Variants in MAP1A observed in about 807,000 individuals in gnomAD.
MAP1A encodes microtubule-associated protein 1A.
In MAP1A, 42 loss-of-function variants were observed where a neutral mutation model predicts 185.9. The observed-to-expected ratio is 0.23, with a 90% CI of 0.18 to 0.29. MAP1A has a LOEUF of 0.29. Ranked by LOEUF, MAP1A falls within the 10% of genes least tolerant of loss-of-function variation. The pLI is 1.00. For synonymous variants in MAP1A, 1,229 were observed against 1,335.9 expected, an observed-to-expected ratio of 0.92 and a Z score of 1.74; for missense variants, 2,995 against 3,450.4, an observed-to-expected ratio of 0.87 and a Z score of 3.31.
Position 43,522,331 on chromosome 15 carries a change from G to A in MAP1A, c.858G>A (p.Leu286=), listed in dbSNP as rs776603796. ...ILEGLEKLRH[L]DFLRYPVATQ... ...AGGGCCTAGAAAAGCTTCGGCATCT[G>A]GACTTCCTGCGTTACCCTGTGGCCA... The change falls in exon 4 of 6, where the codon CTG becomes CTA. Residue 286 remains leucine, a synonymous_variant. Coordinates refer to ENST00000300231, the MANE Select transcript of MAP1A (RefSeq NM_002373.6). The surrounding 1 kb of genome is among the most constrained non-coding windows in gnomAD (Gnocchi z 5.9). 3.7e-6 allele frequency: 6 copies of A among 1,614,030 alleles called. No homozygotes were observed. The highest frequency in any genetic ancestry group is 4.2e-6 in the Non-Finnish European group (5 of 1,180,034).
chr15:43,514,081 C>T (rs897290088), upstream of MAP1A, among the ~76,000 whole-genome samples: 34 of 152,320 alleles, frequency 2.2e-4, no homozygotes, highest in African/African-American at 7.7e-4. Flanking sequence ...ACAGAGAGAA[C>T]ATAGTTATTC....
At position 43,528,244 on chromosome 15, in the gene MAP1A, G is replaced by A; in HGVS notation, c.6771G>A (p.Glu2257=). 6.2e-7 allele frequency: 1 copy of A among 1,614,014 alleles called. No individual in the cohort carries two copies. The highest frequency in any genetic ancestry group is 1.3e-5 in the African/African-American group (1 of 75,038). Residue 2257 remains glutamate, a synonymous_variant, in exon 4 of 6, where the codon GAG becomes GAA. Coordinates refer to ENST00000300231, the MANE Select transcript of MAP1A (RefSeq NM_002373.6). ...LPRPASPALS[E]GSSSEATTPV... is the part of the protein sequence containing the mutation. ...GACCTGCCTCACCAGCCCTGTCTGA[G>A]GGCTCCTCCTCTGAGGCTACCACGC...
In MAP1A at chr15:43,527,754, A is replaced by G; in HGVS notation, c.6281A>G (p.Lys2094Arg). Reference protein sequence around the residue: ...CSPDRRSPSPKESGRSHWDDS... With the variant: ...CSPDRRSPSPRESGRSHWDDS... The stretch of plus-strand genomic sequence containing the variant: ...CCAGATAGGAGGTCCCCATCCCCCA[A>G]GGAATCAGGCCGGAGTCACTGGGAT... Residue 2094 changes from lysine to arginine, a missense_variant, in exon 4 of 6, where the codon AAG becomes AGG. By Grantham distance (26) the Lys-to-Arg change is conservative (BLOSUM62 2). Around this residue, in one of 3 missense-constraint regions of MAP1A, gnomAD observed 2,728 missense variants for 2,986.0 expected, o/e 0.91. Transcript: ENST00000300231. The G allele has an allele frequency of 6.2e-7, 1 of 1,613,520 alleles. No individual in the cohort carries two copies. Among genetic ancestry groups the G allele is most frequent in the Non-Finnish European group, 8.5e-7 (1 of 1,179,806 alleles).
chr15:43,513,676 A>T (rs139677269), upstream of MAP1A, among the ~76,000 whole-genome samples: 4 of 152,364 alleles, frequency 2.6e-5, no homozygotes, highest in African/African-American at 9.6e-5. Context: ...ATATTAATAT[A>T]TGTGAGGCTG....
At chr15:43,519,070 C>T (rs1364805645) in intron 1 of MAP1A, among the ~76,000 whole-genome samples, 1 of 152,082 alleles carries the variant, frequency 6.6e-6, no homozygotes, top group African/African-American at 2.4e-5. Context: ...GACCCTCCTA[C>T]CTCAAATTTA....
chr15:43,524,999 C>G lies in MAP1A; in HGVS notation c.3526C>G (p.Leu1176Val). The G allele has an allele frequency of 6.2e-7, 1 of 1,614,146 alleles. No individual in the cohort carries two copies. Residue 1176 changes from leucine (L) to valine (V), a missense_variant, in exon 4 of 6, where the codon CTG (leucine) becomes GTG (valine). Transcript: ENST00000300231. ...GCCTACCCCCAAGTCTCCCTGTGGC[C>G]TGACAGAACAGTACCTACACAAAGA... is the stretch of plus-strand genomic sequence containing the variant. ...QEPTPKSPCG[L>V]TEQYLHKDRW...
At position 43,522,766 on chromosome 15, in the gene MAP1A, G is replaced by A. The variant is rs2079324584; in HGVS notation, c.1293G>A (p.Lys431=). The A allele has an allele frequency of 1.3e-6, 2 of 1,569,016 alleles. No homozygotes were observed. Among genetic ancestry groups the A allele is most frequent in the African/African-American group, 1.4e-5 (1 of 73,930 alleles). Reference sequence around the variant, plus strand: ...TCAAAAAGGAGAGGAAAGAGCTCAAGAAGGATGAAGGAAGGAAGGAGGAGA... The same window carrying A: ...TCAAAAAGGAGAGGAAAGAGCTCAAAAAGGATGAAGGAAGGAAGGAGGAGA... ...KEIKKERKEL[K]KDEGRKEEKK... The change falls in exon 4 of 6, where the codon AAG becomes AAA. Residue 431 remains lysine, a synonymous_variant. Coordinates refer to ENST00000300231, the MANE Select transcript of MAP1A (RefSeq NM_002373.6). The surrounding 1 kb of genome is among the most constrained non-coding windows in gnomAD (Gnocchi z 5.9).
Position 43,521,266 on chromosome 15 carries a change from AAGTC to A in MAP1A, c.-150-55_-150-52del. The stretch of plus-strand genomic sequence containing the variant: ...AGGTGAAGATTAGGGTACTGAATCT[AAGTC>A]AGACCAAAACAACTCTAGTGACCTG... On this transcript the variant is annotated intron_variant, in intron 3 of 5. Transcript: ENST00000300231. This position sits in a 1 kb window ranked among gnomAD's most constrained non-coding sequence, Gnocchi z 4.6. 1 of 1,504,322 alleles carries A rather than the reference AAGTC, an allele frequency of 6.6e-7. No homozygotes were observed. Among genetic ancestry groups the A allele is most frequent in the Non-Finnish European group, 8.9e-7 (1 of 1,129,818 alleles). 93.2% of individuals were successfully genotyped at this position (1,504,322 alleles called of 1,614,324 possible). A position where few individuals can be genotyped will look rare whatever the true frequency, so the allele number is the denominator to read the frequency against.
chr15:43,511,143 T>A (rs913523594), exon 1 of MAP1A: 1 of 1,550,482 alleles, frequency 6.4e-7, no homozygotes, highest in African/African-American at 1.4e-5. Flanking sequence ...CGCTGGGACC[T>A]GCAGAAGCAC....
chr15:43,514,880 A>G (rs1595644239), upstream of MAP1A, among the ~76,000 whole-genome samples: 1 of 152,222 alleles, frequency 6.6e-6, no homozygotes, highest in South Asian at 2.1e-4. Flanking sequence ...CCTATAGGAA[A>G]TAGAAGGGGG....
At chr15:43,520,539 C>T (rs1460473249) in intron 1 of MAP1A, 102 bp from the exon 2 acceptor site, 21 of 796,248 alleles carry the variant, frequency 2.6e-5, no homozygotes, top group South Asian at 2.2e-4. Flanking sequence ...AGGATACCTT[C>T]TCTTTCGTCT....
chr15:43,523,730 G>C lies in MAP1A; in HGVS notation c.2257G>C (p.Glu753Gln). Reference protein sequence around the residue: ...YSETEQTISDEEIHDEPEERP... With the variant: ...YSETEQTISDQEIHDEPEERP... ...AGAGACTGAGCAGACCATCTCAGAT[G>C]AGGAGATCCATGATGAGCCGGAGGA... is the stretch of plus-strand genomic sequence containing the variant. Residue 753 changes from glutamate to glutamine, a missense_variant, in exon 4 of 6, where the codon GAG (glutamate) becomes CAG (glutamine). This residue lies in a region of MAP1A where 2,728 missense variants were observed against 2,986.0 expected (regional missense o/e 0.91). Coordinates refer to ENST00000300231, the MANE Select transcript of MAP1A (RefSeq NM_002373.6). 6.2e-7 allele frequency: 1 copy of C among 1,613,998 alleles called. No individual in the cohort carries two copies. The highest frequency in any genetic ancestry group is 1.1e-5 in the South Asian group (1 of 91,062).
rs202112026 is a variant in MAP1A at position 43,524,315 on chromosome 15, G to A, written c.2842G>A (p.Val948Ile). The change falls in exon 4 of 6, where the codon GTA (valine) becomes ATA (isoleucine). Residue 948 changes from valine to isoleucine, a missense_variant. By Grantham distance (29) the Val-to-Ile change is conservative. Transcript: ENST00000300231. ...VEEEEEETAN[V>I]EMSEKLCSQY... Reference sequence around the variant, plus strand: ...AGAGGAAGAGGAGGAGACAGCAAACGTAGAGATGTCTGAGAAACTTTGCAG... The same window carrying A: ...AGAGGAAGAGGAGGAGACAGCAAACATAGAGATGTCTGAGAAACTTTGCAG... The A allele has an allele frequency of 8.8e-4, 1,427 of 1,614,220 alleles. 1 individual carries two copies. Among genetic ancestry groups the A allele is most frequent in the Non-Finnish European group, 1.0e-3 (1,199 of 1,180,026 alleles).
At chr15:43,515,618 C>A (rs2079294403), upstream of MAP1A, among the ~76,000 whole-genome samples, 3 of 152,016 alleles carry the variant, frequency 2.0e-5, no homozygotes, top group South Asian at 6.2e-4. Flanking sequence ...AATGAAGAAG[C>A]TTTTTTTTCA....
chr15:43,523,076 T>G lies in MAP1A; in HGVS notation c.1603T>G (p.Phe535Val). Residue 535 changes from phenylalanine (F) to valine (V), a missense_variant, in exon 4 of 6, where the codon TTT (phenylalanine) becomes GTT (valine). Around this residue, in one of 3 missense-constraint regions of MAP1A, gnomAD observed 2,728 missense variants for 2,986.0 expected, o/e 0.91. Coordinates refer to ENST00000300231, the MANE Select transcript of MAP1A (RefSeq NM_002373.6). ...LSSPEDLTQD[F>V]EEMKREERAL... ...CTCACCAGAGGACCTCACACAGGAC[T>G]TTGAGGAGATGAAGCGTGAGGAGAG... 1 of 1,614,058 alleles carries G rather than the reference T, an allele frequency of 6.2e-7. No individual in the cohort carries two copies. Among genetic ancestry groups the G allele is most frequent in the African/African-American group, 1.3e-5 (1 of 74,982 alleles).
chr15:43,519,100 G>A (rs2079310065), intron 1 of MAP1A, among the ~76,000 whole-genome samples: 1 of 152,086 alleles, frequency 6.6e-6, no homozygotes, highest in African/African-American at 2.4e-5. Flanking sequence ...TTGTGTGGAG[G>A]GAGCTCTTGT....
Position 43,531,307 on chromosome 15 carries a change from A to C in MAP1A, c.*1083A>C, listed in dbSNP as rs2079370667. 6.6e-6 allele frequency: 1 copy of C among 152,624 alleles called. No homozygotes were observed. The highest frequency in any genetic ancestry group is 1.5e-5 in the Non-Finnish European group (1 of 68,098). The allele number at this position is 152,624 out of a possible 1,614,324, so 9.5% of individuals were successfully genotyped here. ...AAGGGAGAAGCTGAGCCACAGCTTA[A>C]CTCCTACAGAGTGAAATGAAAACGG... is the stretch of plus-strand genomic sequence containing the variant. On this transcript the variant is annotated 3_prime_UTR_variant, in exon 6 of 6. Coordinates refer to ENST00000300231, the MANE Select transcript of MAP1A (RefSeq NM_002373.6).
chr15:43,522,810 A>T lies in MAP1A; in HGVS notation c.1337A>T (p.Glu446Val). 1 of 1,582,098 alleles carries T rather than the reference A, an allele frequency of 6.3e-7. No homozygotes were observed. The highest frequency in any genetic ancestry group is 8.6e-7 in the Non-Finnish European group (1 of 1,162,256). ...RKEEKKDAKK[E>V]EKRKDTKPEL... ...GAGGAGAAGAAGGATGCCAAGAAGG[A>T]GGAGAAGAGGAAAGATACCAAACCT... Residue 446 changes from glutamate to valine, a missense_variant, in exon 4 of 6, where the codon GAG (glutamate) becomes GTG (valine). Physicochemically the swap from Glu to Val is moderately radical, Grantham distance 121. Transcript: ENST00000300231. The surrounding 1 kb of genome is among the most constrained non-coding windows in gnomAD (Gnocchi z 5.9).
At position 43,528,412 on chromosome 15, in the gene MAP1A, A is replaced by T. The variant is rs1456851691; in HGVS notation, c.6939A>T (p.Ser2313=). ...CTCTGAGCCCAGCACCCCCAGCTTC[A>T]CTGGACTTGGCCCTAGCTCCAGCTC... ...LTPLSPAPPA[S]LDLALAPAPS... is the part of the protein sequence containing the mutation. The change falls in exon 4 of 6, where the codon TCA becomes TCT. Residue 2313 remains serine, a synonymous_variant. Coordinates refer to ENST00000300231, the MANE Select transcript of MAP1A (RefSeq NM_002373.6). 1 of 1,613,520 alleles carries T rather than the reference A, an allele frequency of 6.2e-7. No homozygotes were observed. Among genetic ancestry groups the T allele is most frequent in the Non-Finnish European group, 8.5e-7 (1 of 1,180,012 alleles).
Sources: allele counts gnomAD v4.1 joint callset (sites outside exome capture counted in the v4.1 genomes callset), GRCh38; gene constraint gnomAD v4.1.1; regional missense constraint gnomAD v4.1.1; non-coding constraint Gnocchi (gnomAD v3.1); transcripts MANE v1.5; gene names NCBI Gene and HGNC (gene_info 2026-07-23, HGNC 2026-07-21).